Variants in HIVEP3 observed in about 807,000 individuals in gnomAD.
HIVEP3 encodes the protein transcription factor HIVEP3.
Under a neutral mutation model 152.8 loss-of-function variants are expected in HIVEP3, and 49 were observed. The observed-to-expected ratio is 0.32, with a 90% CI of 0.26 to 0.41. The LOEUF (loss-of-function observed/expected upper bound fraction) is 0.41. Among genes scored for constraint, HIVEP3 ranks in the 10% least tolerant of loss-of-function variants. The pLI, the probability that HIVEP3 is intolerant of heterozygous loss-of-function variation, is 1.00. For missense variants in HIVEP3, 2,790 were observed against 3,103.3 expected (o/e 0.90, Z 2.40); for synonymous variants, 1,269 against 1,289.0 (o/e 0.98, Z 0.33).
chr1:41,819,719 G>C (rs1642532475), intron 1 of HIVEP3, among the ~76,000 whole-genome samples: 1 of 152,046 alleles, frequency 6.6e-6, no homozygotes, highest in Admixed American at 6.5e-5. Flanking sequence ...TATGATATTG[G>C]GGGTTTTTCT....
At chr1:41,812,679 G>C (rs984162366) in intron 1 of HIVEP3, among the ~76,000 whole-genome samples, 1 of 152,074 alleles carries the variant, frequency 6.6e-6, no homozygotes, top group African/African-American at 2.4e-5. Flanking sequence ...AGGCTGGTAG[G>C]GGGTGGGGGG....
At chr1:41,700,119 C>T (rs1410480455) in intron 2 of HIVEP3, among the ~76,000 whole-genome samples, 1 of 152,198 alleles carries the variant, frequency 6.6e-6, no homozygotes. Context: ...CAAACCCCGA[C>T]AGAATAGAGC....
intron 2 of HIVEP3, among the ~76,000 whole-genome samples, chr1:41,642,452 C>A (rs567977580): frequency 2.6e-5 from 4 of 152,226 alleles, no homozygotes; most frequent in African/African-American, 9.6e-5. Context: ...GGTGAGCCCA[C>A]CTCATAGGCC....
intron 1 of HIVEP3, among the ~76,000 whole-genome samples, chr1:41,885,955 T>C (rs1198524335): frequency 1.3e-5 from 2 of 152,058 alleles, no homozygotes; most frequent in Non-Finnish European, 2.9e-5. Flanking sequence ...CTCAGAGCAG[T>C]GAGGTGCAGA....
intron 1 of HIVEP3, among the ~76,000 whole-genome samples, chr1:41,813,528 C>T (rs574936886): frequency 6.6e-6 from 1 of 152,322 alleles, no homozygotes; most frequent in South Asian, 2.1e-4. Flanking sequence ...CAGCCATTAA[C>T]AGGTGCGACT....
intron 1 of HIVEP3, among the ~76,000 whole-genome samples, chr1:41,984,885 T>C (rs1645313084): frequency 1.3e-5 from 2 of 151,654 alleles, no homozygotes; most frequent in Non-Finnish European, 2.9e-5. Context: ...TATAATCTTA[T>C]AAAGTAGCAG....
chr1:41,681,728 G>A (rs949931644), intron 2 of HIVEP3, among the ~76,000 whole-genome samples: 6 of 152,214 alleles, frequency 3.9e-5, no homozygotes, highest in Non-Finnish European at 5.9e-5. Flanking sequence ...CAGTGGGCTG[G>A]TGGCACCTGA....
At chr1:41,671,774 G>T (rs1645880977) in intron 2 of HIVEP3, among the ~76,000 whole-genome samples, 1 of 152,324 alleles carries the variant, frequency 6.6e-6, no homozygotes, top group Admixed American at 6.5e-5. Flanking sequence ...AGAGCACAAA[G>T]GAAGGACCAG....
At chr1:42,032,715 T>C (rs1645619960) in intron 1 of HIVEP3, among the ~76,000 whole-genome samples, 1 of 152,072 alleles carries the variant, frequency 6.6e-6, no homozygotes, top group African/African-American at 2.4e-5. Context: ...GGACAGGCAG[T>C]TGCTGGGTGC....
chr1:41,697,638 C>T (rs1646297018), intron 2 of HIVEP3, among the ~76,000 whole-genome samples: 1 of 152,158 alleles, frequency 6.6e-6, no homozygotes, highest in Admixed American at 6.5e-5. Flanking sequence ...TCTAAACTCT[C>T]AGTCTTCCAG....
chr1:41,860,949 G>T (rs978340636), intron 1 of HIVEP3, among the ~76,000 whole-genome samples: 2 of 152,216 alleles, frequency 1.3e-5, no homozygotes, highest in African/African-American at 4.8e-5. Context: ...GGAGGGAGGT[G>T]GAATCAGATT....
chr1:41,761,556 G>A (rs1164155619), intron 1 of HIVEP3, among the ~76,000 whole-genome samples: 1 of 152,166 alleles, frequency 6.6e-6, no homozygotes, highest in Non-Finnish European at 1.5e-5. Flanking sequence ...GTATGCATAA[G>A]TATGTGTGCC....
At chr1:41,801,107 C>A (rs1223192616) in intron 1 of HIVEP3, among the ~76,000 whole-genome samples, 1 of 152,084 alleles carries the variant, frequency 6.6e-6, no homozygotes, top group East Asian at 1.9e-4. Flanking sequence ...GCAGTGTAAC[C>A]GTGGGCTTAT....
At chr1:41,740,580 G>C (rs1646982211) in intron 1 of HIVEP3, among the ~76,000 whole-genome samples, 1 of 152,178 alleles carries the variant, frequency 6.6e-6, no homozygotes, top group African/African-American at 2.4e-5. Flanking sequence ...GCTGGCTCTG[G>C]GGCATGTGTC....
At chr1:41,965,046 A>G (rs1645190117) in intron 1 of HIVEP3, among the ~76,000 whole-genome samples, 1 of 152,216 alleles carries the variant, frequency 6.6e-6, no homozygotes, top group Non-Finnish European at 1.5e-5. Flanking sequence ...TTTGGGATGG[A>G]GCTCCCAGGG....
intron 1 of HIVEP3, among the ~76,000 whole-genome samples, chr1:41,884,422 C>T (rs548627263): frequency 5.9e-5 from 9 of 152,178 alleles, no homozygotes; most frequent in African/African-American, 1.4e-4. Flanking sequence ...CAGGCATTCC[C>T]GAAATGCCAT....
intron 1 of HIVEP3, among the ~76,000 whole-genome samples, chr1:41,992,135 G>C (rs1387403026): frequency 7.0e-6 from 1 of 142,222 alleles, no homozygotes; most frequent in Admixed American, 7.0e-5. Context: ...CATAGTGTTG[G>C]AAGTTCTGGC....
At position 41,757,091 on chromosome 1, in the gene HIVEP3, AATTATTATT is replaced by A. The variant is rs147789740; in HGVS notation, c.-800-56105_-800-56097del. The stretch of plus-strand genomic sequence containing the variant: ...ACATAGCAAGACCTTGTCTCTAAAA[AATTATTATT>A]ATTATTATTATTATTATTATTATTA... On this transcript the variant is annotated intron_variant, in intron 1 of 8. Transcript: ENST00000372583. 1.3e-3 allele frequency among the ~76,000 whole-genome samples: 182 copies of A among 136,502 alleles called. 1 individual carries two copies. Among genetic ancestry groups the A allele is most frequent in the African/African-American group, 3.2e-3 (114 of 35,690 alleles). The allele number at this position is 136,502 out of a possible 152,430, so 89.6% of individuals were successfully genotyped here. A position where few individuals can be genotyped will look rare whatever the true frequency, so the allele number is the denominator to read the frequency against.
chr1:42,004,199 A>G (rs1488231497), intron 1 of HIVEP3, among the ~76,000 whole-genome samples: 1 of 152,234 alleles, frequency 6.6e-6, no homozygotes, highest in African/African-American at 2.4e-5. Flanking sequence ...CAGAGAGCTC[A>G]GGAAGAAATC....
Sources: gnomAD v4.1 joint callset for allele counts (sites outside exome capture counted in the v4.1 genomes callset) on GRCh38, gnomAD v4.1.1 for gene constraint, MANE v1.5 for transcripts, NCBI Gene and HGNC (gene_info 2026-07-23, HGNC 2026-07-21) for gene names.